Variants in AGBL1 observed in about 807,000 individuals in gnomAD.
AGBL1 encodes AGBL carboxypeptidase 1.
A neutral mutation model predicts 118.9 loss-of-function variants in AGBL1; 130 were observed. The observed-to-expected ratio is 1.09, with a 90% CI of 0.95 to 1.26. AGBL1 has a LOEUF of 1.26. Among genes scored for constraint, AGBL1 ranks in the 50% most tolerant of loss-of-function variants. AGBL1 has a pLI of 0.00. For synonymous variants in AGBL1, 555 were observed against 478.9 expected (o/e 1.16, Z -2.08); for missense variants, 1,584 against 1,298.1 (o/e 1.22, Z -3.38).
At chr15:86,682,029 A>C (rs2085967400) in intron 22 of AGBL1, among the ~76,000 whole-genome samples, 1 of 152,206 alleles carries the variant, frequency 6.6e-6, no homozygotes, top group South Asian at 2.1e-4. Flanking sequence ...AATTAATGCT[A>C]CGTGACTATT....
chr15:86,715,894 TA>T (rs1253010835), intron 22 of AGBL1, among the ~76,000 whole-genome samples: 1 of 151,592 alleles, frequency 6.6e-6, no homozygotes, highest in Non-Finnish European at 1.5e-5. Context: ...CCATCTTTAC[TA>T]AAAAATACAA....
chr15:86,903,895 A>C (rs915630263), intron 22 of AGBL1, among the ~76,000 whole-genome samples: 1 of 151,840 alleles, frequency 6.6e-6, no homozygotes, highest in Non-Finnish European at 1.5e-5. Context: ...GTAGAGGTCC[A>C]GGTTCCCCAC....
chr15:86,536,119 C>G (rs1438946897), intron 19 of AGBL1, among the ~76,000 whole-genome samples: 1 of 152,138 alleles, frequency 6.6e-6, no homozygotes, highest in Non-Finnish European at 1.5e-5. Flanking sequence ...GAAGGTTAAA[C>G]AAGGCTTCTT....
chr15:86,879,597 G>A (rs893911507), intron 22 of AGBL1, among the ~76,000 whole-genome samples: 3 of 152,132 alleles, frequency 2.0e-5, no homozygotes, highest in African/African-American at 7.2e-5. Context: ...GTTACAGATT[G>A]TAATTACCGA....
chr15:86,101,900 C>T (rs1455528505), intron 1 of AGBL1, among the ~76,000 whole-genome samples: 1 of 152,010 alleles, frequency 6.6e-6, no homozygotes, highest in Non-Finnish European at 1.5e-5. Flanking sequence ...AGGGCTTATT[C>T]CTGTCATTTT....
At chr15:86,110,100 A>G (rs915793187) in intron 1 of AGBL1, among the ~76,000 whole-genome samples, 1 of 152,214 alleles carries the variant, frequency 6.6e-6, no homozygotes, top group Non-Finnish European at 1.5e-5. Context: ...AAAGAATCCC[A>G]TGCAAGTGAG....
chr15:86,293,596 A>C (rs2079584099), intron 16 of AGBL1, among the ~76,000 whole-genome samples: 1 of 152,162 alleles, frequency 6.6e-6, no homozygotes, highest in Admixed American at 6.6e-5. Context: ...ATGTCTGCAA[A>C]GTCCCTTTCA....
chr15:86,918,546 A>AT (rs2080452360), downstream of AGBL1, among the ~76,000 whole-genome samples: 1 of 150,388 alleles, frequency 6.6e-6, no homozygotes, highest in Admixed American at 6.6e-5. Context: ...TCAAAAAATA[A>AT]AAAAAAAAAG....
chr15:86,099,491 G>A (rs1467488060), intron 1 of AGBL1, among the ~76,000 whole-genome samples: 1 of 151,024 alleles, frequency 6.6e-6, no homozygotes, highest in African/African-American at 2.4e-5. Context: ...GTAAGATTAT[G>A]GTATTTTCAA....
chr15:86,795,751 A>AT (rs2078561419), intron 22 of AGBL1, among the ~76,000 whole-genome samples: 5 of 150,936 alleles, frequency 3.3e-5, no homozygotes, highest in Non-Finnish European at 5.9e-5. Context: ...CACCCAGCTA[A>AT]TTTTTTGTAT....
At chr15:86,233,469 A>G (rs1286755780) in intron 6 of AGBL1, among the ~76,000 whole-genome samples, 1 of 152,134 alleles carries the variant, frequency 6.6e-6, no homozygotes, top group Admixed American at 6.5e-5. Flanking sequence ...ACCCCAATTA[A>G]TGACAGCATG....
chr15:86,285,407 G>T (rs575594428), intron 16 of AGBL1, among the ~76,000 whole-genome samples: 7 of 152,042 alleles, frequency 4.6e-5, no homozygotes, highest in African/African-American at 1.7e-4. Context: ...CTTACGTGTC[G>T]TGGGAATTAA....
intron 22 of AGBL1, among the ~76,000 whole-genome samples, chr15:86,685,054 A>G (rs748582076): frequency 3.9e-5 from 6 of 152,210 alleles, no homozygotes; most frequent in Non-Finnish European, 5.9e-5. Context: ...ACAAAGAGGT[A>G]TGTTTAGAAG....
chr15:86,694,701 T>G (rs141422785), intron 22 of AGBL1, among the ~76,000 whole-genome samples: 1 of 152,242 alleles, frequency 6.6e-6, no homozygotes, highest in Admixed American at 6.5e-5. Context: ...GTTCAACTTT[T>G]CCCCATTCAG....
chr15:86,336,268 A>C (rs1391007737), intron 17 of AGBL1, among the ~76,000 whole-genome samples: 1 of 152,146 alleles, frequency 6.6e-6, no homozygotes, highest in Non-Finnish European at 1.5e-5. Flanking sequence ...TGTGACTTAC[A>C]TTTTACTCAT....
At chr15:86,205,568 C>T (rs949904096) in intron 5 of AGBL1, among the ~76,000 whole-genome samples, 2 of 152,216 alleles carry the variant, frequency 1.3e-5, no homozygotes, top group South Asian at 2.1e-4. Context: ...TTTGCATTCG[C>T]ATCAGCAATG....
intron 21 of AGBL1, among the ~76,000 whole-genome samples, chr15:86,580,919 C>T (rs1419558559): frequency 6.6e-6 from 1 of 152,130 alleles, no homozygotes; most frequent in Non-Finnish European, 1.5e-5. Context: ...TCCAACATTA[C>T]ATTAACTACA....
intron 5 of AGBL1, among the ~76,000 whole-genome samples, chr15:86,178,338 T>C (rs960623962): frequency 1.3e-4 from 19 of 151,526 alleles, no homozygotes; most frequent in African/African-American, 4.6e-4. Flanking sequence ...AAACAAAAAA[T>C]CCAATCCAGA....
At chr15:86,348,947 G>A (rs781752039) in intron 17 of AGBL1, among the ~76,000 whole-genome samples, 2 of 152,100 alleles carry the variant, frequency 1.3e-5, no homozygotes, top group Admixed American at 6.5e-5. Context: ...ATAAGATGAG[G>A]TTATACTGGA....
Sources: gnomAD v4.1 joint callset for allele counts (sites outside exome capture counted in the v4.1 genomes callset) on GRCh38, gnomAD v4.1.1 for gene constraint, MANE v1.5 for transcripts, NCBI Gene and HGNC (gene_info 2026-07-23, HGNC 2026-07-21) for gene names.